The following PARD3B variants were observed in gnomAD, a reference collection of about 807,000 sequenced individuals.
PARD3B encodes par-3 family cell polarity regulator beta.
A neutral mutation model predicts 130.2 loss-of-function variants in PARD3B; 103 were observed. The observed-to-expected ratio is 0.79, with a 90% CI of 0.67 to 0.93. The LOEUF (loss-of-function observed/expected upper bound fraction) is 0.93, where lower values mean the gene tolerates loss of function less well. Among genes scored for constraint, PARD3B ranks in the 40% least tolerant of loss-of-function variants. The probability of loss-of-function intolerance (pLI) is 0.00; values close to 1 mark genes in which losing one functional copy is unlikely to be tolerated. For missense variants in PARD3B, 1,609 were observed against 1,499.2 expected (o/e 1.07, Z -1.21); for synonymous variants, 583 against 553.2 (o/e 1.05, Z -0.76).
chr2:205,513,129 C>T (rs2050655313), intron 21 of PARD3B, among the ~76,000 whole-genome samples: 1 of 151,896 alleles, frequency 6.6e-6, no homozygotes, highest in Non-Finnish European at 1.5e-5. Context: ...ATCAGAGACT[C>T]TCATTTCAGA....
In PARD3B at chr2:205,479,895, ATT is replaced by A. The variant is rs71032475; in HGVS notation, c.3045-19977_3045-19976del. ...GAGCATTAAGCTCCAGCCATATGCA[ATT>A]TTTTTTTTTTTTTTTTTTTTTTTGA... On this transcript the variant is annotated intron_variant, in intron 20 of 22. Transcript: ENST00000406610. Among the ~76,000 whole-genome samples, 497 of 127,690 alleles carry A rather than the reference ATT, an allele frequency of 3.9e-3. 4 individuals carry two copies. Among genetic ancestry groups the A allele is most frequent in the African/African-American group, 0.012 (385 of 31,872 alleles). 83.8% of individuals were successfully genotyped at this position (127,690 alleles called of 152,430 possible).
chr2:205,245,973 A>G, intron 16 of PARD3B, 151 bp downstream of exon 16: 1 of 635,174 alleles, frequency 1.6e-6, no homozygotes, highest in Non-Finnish European at 2.9e-6. Context: ...AAGATGACTT[A>G]TTGCTTGGCT....
At chr2:205,205,019 A>G (rs1213517063) in intron 15 of PARD3B, among the ~76,000 whole-genome samples, 1 of 152,152 alleles carries the variant, frequency 6.6e-6, no homozygotes, top group African/African-American at 2.4e-5. Context: ...GATAGCATTA[A>G]ATCTATAAAT....
Position 205,190,338 on chromosome 2 carries a change from A to G in PARD3B, c.2025-2867A>G, listed in dbSNP as rs181795230. Reference sequence around the variant, plus strand: ...CCTTGAGCAGAGCACTTTAAATGCAATCTGATCTATGTTTTAATGAGGGTC... The same window carrying G: ...CCTTGAGCAGAGCACTTTAAATGCAGTCTGATCTATGTTTTAATGAGGGTC... On this transcript the variant is annotated intron_variant, in intron 14 of 22. Coordinates refer to ENST00000406610, the MANE Select transcript of PARD3B (RefSeq NM_001302769.2). Among the ~76,000 whole-genome samples, 1,004 of 152,312 alleles carry G rather than the reference A, an allele frequency of 6.6e-3. 9 individuals are homozygous for G. The highest frequency in any genetic ancestry group is 0.022 in the African/African-American group (933 of 41,578).
At chr2:204,598,024 C>A (rs1253866573) in intron 1 of PARD3B, among the ~76,000 whole-genome samples, 1 of 151,986 alleles carries the variant, frequency 6.6e-6, no homozygotes, top group African/African-American at 2.4e-5. Flanking sequence ...AAACATAGCT[C>A]CAAATGAATA....
chr2:204,921,527 G>A (rs2047680562), intron 2 of PARD3B, among the ~76,000 whole-genome samples: 1 of 148,778 alleles, frequency 6.7e-6, no homozygotes, highest in African/African-American at 2.5e-5. Context: ...TTAGAGTAGG[G>A]TGGAAGAAGC....
chr2:205,447,206 C>A (rs1056903097), intron 20 of PARD3B, among the ~76,000 whole-genome samples: 1 of 152,176 alleles, frequency 6.6e-6, no homozygotes, highest in Non-Finnish European at 1.5e-5. Context: ...CTGATATTTT[C>A]TTCCTCCCTC....
chr2:205,443,633 G>T (rs1290657737), intron 20 of PARD3B, among the ~76,000 whole-genome samples: 3 of 152,206 alleles, frequency 2.0e-5, no homozygotes, highest in Admixed American at 6.5e-5. Flanking sequence ...TGGAAGAATT[G>T]TTTTCTTTGC....
intron 21 of PARD3B, among the ~76,000 whole-genome samples, chr2:205,510,171 GAA>G (rs1212182029): frequency 1.3e-5 from 2 of 152,168 alleles, no homozygotes; most frequent in African/African-American, 4.8e-5. Context: ...AAAAGTGAGA[GAA>G]TAGTACTGTC....
chr2:204,745,876 C>G lies in PARD3B; in HGVS notation c.222+59594C>G, dbSNP rs559683224. On this transcript the variant is annotated intron_variant, in intron 2 of 22. Transcript: ENST00000406610. The stretch of plus-strand genomic sequence containing the variant: ...CCGCCATGGACTCCCAAAGCCCCAT[C>G]CTCCCAGTTTCTGTTTTTCCTCTTC... Among the ~76,000 whole-genome samples the G allele has an allele frequency of 2.0e-5, 3 of 152,160 alleles. 1 individual carries two copies. The South Asian group carries it at 6.2e-4, about 32-fold the overall frequency.
chr2:204,842,627 A>G lies in PARD3B; in HGVS notation c.223-122525A>G, dbSNP rs530358024. ...TTAAATTTATCTTTGAAAACTCCCT[A>G]GAGAAGGAGAGTGGTTTCTGTAACA... On this transcript the variant is annotated intron_variant, in intron 2 of 22. Coordinates refer to ENST00000406610, the MANE Select transcript of PARD3B (RefSeq NM_001302769.2). Among the ~76,000 whole-genome samples the G allele has an allele frequency of 9.9e-4, 151 of 152,334 alleles. 1 individual carries two copies. The highest frequency in any genetic ancestry group is 3.4e-3 in the African/African-American group (143 of 41,564).
intron 1 of PARD3B, among the ~76,000 whole-genome samples, chr2:204,653,525 T>TC (rs2035551073): frequency 6.6e-6 from 1 of 150,936 alleles, no homozygotes; most frequent in Non-Finnish European, 1.5e-5. Flanking sequence ...GCACAGTGGC[T>TC]CATGCCTGTA....
rs566325652 is a variant in PARD3B at position 205,532,990 on chromosome 2, G to T, written c.3181-20334G>T. ...CAATCAGTGTGTGTGTTCTGCTTTT[G>T]CCAGGAGGAATTCCTTTCAGTGGAA... is the stretch of plus-strand genomic sequence containing the variant. On this transcript the variant is annotated intron_variant, in intron 21 of 22. Coordinates refer to ENST00000406610, the MANE Select transcript of PARD3B (RefSeq NM_001302769.2). Among the ~76,000 whole-genome samples, 31 of 152,242 alleles carry T rather than the reference G, an allele frequency of 2.0e-4. 1 individual carries two copies. In the South Asian group the frequency reaches 6.4e-3, roughly 32 times the overall value.
At chr2:204,946,973 C>A (rs1689378677) in intron 2 of PARD3B, among the ~76,000 whole-genome samples, 1 of 152,188 alleles carries the variant, frequency 6.6e-6, no homozygotes, top group Non-Finnish European at 1.5e-5. Context: ...CTTACTCAGT[C>A]TTTTTATTTC....
chr2:205,384,092 C>A (rs2045577478), intron 18 of PARD3B, among the ~76,000 whole-genome samples: 1 of 152,078 alleles, frequency 6.6e-6, no homozygotes, highest in South Asian at 2.1e-4. Flanking sequence ...TTGCCACAAC[C>A]ATCAGTCATT....
intron 18 of PARD3B, among the ~76,000 whole-genome samples, chr2:205,381,017 A>G (rs1236947499): frequency 1.8e-5 from 1 of 55,470 alleles, no homozygotes; most frequent in Non-Finnish European, 3.8e-5. Flanking sequence ...TATAAAGAAT[A>G]TATATGATAT....
rs1179262700 is a variant in PARD3B at position 205,564,010 on chromosome 2, CTCATT to C, written c.3260+10609_3260+10613del. On this transcript the variant is annotated intron_variant, in intron 22 of 22. Coordinates refer to ENST00000406610, the MANE Select transcript of PARD3B (RefSeq NM_001302769.2). The surrounding 1 kb of genome is among the most constrained non-coding windows in gnomAD (Gnocchi z 4.6). The stretch of plus-strand genomic sequence containing the variant: ...CTGGCAAGTACTTTAAATATGTCAC[CTCATT>C]TATTTCCTGTAACAATCCTGATATA... Among the ~76,000 whole-genome samples the C allele has an allele frequency of 6.6e-6, 1 of 152,194 alleles. No homozygotes were observed. Among genetic ancestry groups the C allele is most frequent in the Non-Finnish European group, 1.5e-5 (1 of 68,044 alleles).
chr2:205,121,628 A>G lies in PARD3B; in HGVS notation c.844A>G (p.Ser282Gly). 1.2e-6 allele frequency: 2 copies of G among 1,614,050 alleles called. No homozygotes were observed. The highest frequency in any genetic ancestry group is 1.7e-6 in the Non-Finnish European group (2 of 1,179,924). ...DVFRQAMKSP[S>G]VLLHVLPPQN... ...CTTCCGCCAGGCAATGAAATCTCCAAGTGTGCTCCTCCACGTGCTTCCTCC... is the reference window on the plus strand; with the variant it reads ...CTTCCGCCAGGCAATGAAATCTCCAGGTGTGCTCCTCCACGTGCTTCCTCC... Residue 282 changes from serine to glycine, a missense_variant, in exon 8 of 23, where the codon AGT becomes GGT. Transcript: ENST00000406610. This position sits in a 1 kb window ranked among gnomAD's most constrained non-coding sequence, Gnocchi z 5.0.
At chr2:205,345,472 G>A (rs1232634665) in intron 18 of PARD3B, among the ~76,000 whole-genome samples, 6 of 152,062 alleles carry the variant, frequency 3.9e-5, no homozygotes, top group African/African-American at 1.2e-4. Flanking sequence ...GCTTAAGGAG[G>A]GTGGGAGGAG....
Sources: gnomAD v4.1 joint callset for allele counts (sites outside exome capture counted in the v4.1 genomes callset) on GRCh38, gnomAD v4.1.1 for gene constraint, Gnocchi (gnomAD v3.1) non-coding constraint, MANE v1.5 for transcripts, NCBI Gene and HGNC (gene_info 2026-07-23, HGNC 2026-07-21) for gene names.